VEPH1: variants seen among roughly 807,000 people sequenced by gnomAD.
VEPH1 encodes ventricular zone-expressed PH domain-containing protein homolog 1.
A neutral mutation model predicts 85.2 loss-of-function variants in VEPH1; 80 were observed. The ratio of observed to expected loss-of-function variants is 0.94; its 90% CI spans 0.78 to 1.13. VEPH1 has a LOEUF of 1.13. Among genes scored for constraint, VEPH1 ranks in the 50% most tolerant of loss-of-function variants. VEPH1 has a pLI of 0.00. For missense variants in VEPH1, 955 were observed against 980.5 expected (o/e 0.97, Z 0.35); for synonymous variants, 297 against 348.0 (o/e 0.85, Z 1.63).
intron 5 of VEPH1, among the ~76,000 whole-genome samples, chr3:157,420,703 G>A (rs1259553453): frequency 6.6e-6 from 1 of 152,182 alleles, no homozygotes; most frequent in African/African-American, 2.4e-5. Flanking sequence ...GAATAGGAAT[G>A]CTCTACACTG....
chr3:157,495,008 A>G (rs1466932703), intron 2 of VEPH1, among the ~76,000 whole-genome samples: 3 of 152,180 alleles, frequency 2.0e-5, no homozygotes, highest in Non-Finnish European at 4.4e-5. Context: ...TGGGCAAAAG[A>G]TGATCTAACT....
intron 9 of VEPH1, among the ~76,000 whole-genome samples, chr3:157,362,693 C>A (rs969983724): frequency 6.6e-6 from 1 of 152,106 alleles, no homozygotes; most frequent in African/African-American, 2.4e-5. Context: ...ATAAAATATG[C>A]TTTGCGTTAG....
chr3:157,261,516 A>G, intron 13 of VEPH1, 146 bp from the exon 14 acceptor site: 1 of 1,262,672 alleles, frequency 7.9e-7, no homozygotes, highest in South Asian at 1.6e-5. Context: ...AAGGCCTCAG[A>G]ATCATTAGAA....
At chr3:157,333,926 G>C (rs1722725218) in intron 9 of VEPH1, among the ~76,000 whole-genome samples, 1 of 152,094 alleles carries the variant, frequency 6.6e-6, no homozygotes, top group African/African-American at 2.4e-5. Flanking sequence ...GCTCTCTCTG[G>C]TTGGCAGTTC....
chr3:157,412,945 G>T (rs998781029), intron 6 of VEPH1, among the ~76,000 whole-genome samples: 2 of 152,004 alleles, frequency 1.3e-5, no homozygotes, highest in East Asian at 1.9e-4. Flanking sequence ...TTCTAACTGG[G>T]TTACTCACTC....
intron 6 of VEPH1, among the ~76,000 whole-genome samples, chr3:157,391,917 G>T (rs1729892451): frequency 7.2e-6 from 1 of 138,080 alleles, no homozygotes; most frequent in African/African-American, 2.8e-5. Context: ...GGAGAGATTG[G>T]GGGCCTATTT....
chr3:157,270,075 G>A lies in VEPH1; in HGVS notation c.2129-4413C>T, dbSNP rs544525697. 7.6e-4 allele frequency among the ~76,000 whole-genome samples: 115 copies of A among 152,066 alleles called. 2 individuals are homozygous for A. The South Asian group carries it at 0.016, about 21-fold the overall frequency. ...TTGTGACCAGGCTGAGCAACATAGC[G>A]AGACCCTGTCTCTACAGAAAAATAA... On this transcript the variant is annotated intron_variant, in intron 12 of 13. Transcript: ENST00000362010.
At chr3:157,272,230 T>A (rs1714654922) in intron 12 of VEPH1, among the ~76,000 whole-genome samples, 2 of 132,786 alleles carry the variant, frequency 1.5e-5, no homozygotes, top group Non-Finnish European at 3.4e-5. Flanking sequence ...TGGGTGTTTG[T>A]CTCTTTTCTT....
At chr3:157,353,906 A>C (rs1041489553) in intron 9 of VEPH1, among the ~76,000 whole-genome samples, 1 of 152,164 alleles carries the variant, frequency 6.6e-6, no homozygotes, top group Non-Finnish European at 1.5e-5. Flanking sequence ...AATTTTGTAG[A>C]ATGAATGGAT....
intron 9 of VEPH1, among the ~76,000 whole-genome samples, chr3:157,351,474 G>A (rs1330863053): frequency 8.6e-5 from 13 of 150,924 alleles, no homozygotes; most frequent in African/African-American, 2.7e-4. Flanking sequence ...GATTACAGGC[G>A]TGAGCCACCG....
At chr3:157,472,975 A>C (rs1432511891) in intron 2 of VEPH1, among the ~76,000 whole-genome samples, 1 of 149,630 alleles carries the variant, frequency 6.7e-6, no homozygotes, top group South Asian at 2.1e-4. Context: ...ATTTTTGACC[A>C]TGTTTCCTAG....
chr3:157,488,928 C>A (rs1738939273), intron 2 of VEPH1: 1 of 232,112 alleles, frequency 4.3e-6, no homozygotes, highest in African/African-American at 2.4e-5. Context: ...CTCTCTCTCT[C>A]TCTCTCTCTC....
chr3:157,285,320 C>T (rs543741143), intron 12 of VEPH1: 1 of 152,362 alleles, frequency 6.6e-6, no homozygotes, highest in African/African-American at 2.4e-5. Flanking sequence ...TCCTAACTGC[C>T]AGCTTCTGCC....
chr3:157,440,892 C>T (rs1356927605), intron 4 of VEPH1, among the ~76,000 whole-genome samples: 1 of 152,024 alleles, frequency 6.6e-6, no homozygotes, highest in Non-Finnish European at 1.5e-5. Flanking sequence ...CCAACCAGGC[C>T]CCTTGAAAGA....
chr3:157,298,321 A>C (rs913057772), intron 11 of VEPH1, among the ~76,000 whole-genome samples: 1 of 152,132 alleles, frequency 6.6e-6, no homozygotes, highest in Non-Finnish European at 1.5e-5. Flanking sequence ...ATGTCACTCA[A>C]ACTAAGTCAG....
At chr3:157,364,148 G>A (rs1270430338) in intron 8 of VEPH1, among the ~76,000 whole-genome samples, 155 bp downstream of exon 8, 1 of 152,142 alleles carries the variant, frequency 6.6e-6, no homozygotes, top group Non-Finnish European at 1.5e-5. Flanking sequence ...TTTGGATAAT[G>A]AGAGCATTGT....
intron 7 of VEPH1, among the ~76,000 whole-genome samples, chr3:157,369,193 A>AAAAAAAAAAAAAAAAC (rs1553773125): frequency 7.8e-5 from 11 of 140,620 alleles, no homozygotes; most frequent in Non-Finnish European, 1.6e-4. Flanking sequence ...AAAAAAAAAA[A>AAAAAAAAAAAAAAAAC]AAAAAAAAAA....
chr3:157,393,433 A>G (rs1389610142), intron 6 of VEPH1, among the ~76,000 whole-genome samples: 2 of 152,240 alleles, frequency 1.3e-5, no homozygotes, highest in African/African-American at 4.8e-5. Flanking sequence ...TGACAAAACA[A>G]TGCTATCAAT....
chr3:157,480,966 T>G (rs1737983190), intron 2 of VEPH1, among the ~76,000 whole-genome samples: 1 of 152,108 alleles, frequency 6.6e-6, no homozygotes, highest in African/African-American at 2.4e-5. Context: ...CATCTGCTGT[T>G]TTTTGACTTT....
Sources: allele counts gnomAD v4.1 joint callset (sites outside exome capture counted in the v4.1 genomes callset), GRCh38; gene constraint gnomAD v4.1.1; transcripts MANE v1.5; gene names NCBI Gene and HGNC (gene_info 2026-07-23, HGNC 2026-07-21).